ARHGAP40: variants seen among roughly 807,000 people sequenced by gnomAD.
ARHGAP40 encodes Rho GTPase activating protein 40.
In ARHGAP40, 43 loss-of-function variants were observed where a neutral mutation model predicts 73.5. The observed-to-expected ratio is 0.58, with a 90% CI of 0.46 to 0.75. The LOEUF (loss-of-function observed/expected upper bound fraction) is 0.75, where lower values mean the gene tolerates loss of function less well. ARHGAP40 is among the 30% of genes least tolerant of loss of function. ARHGAP40 has a pLI of 0.00. For synonymous variants in ARHGAP40, 300 were observed against 352.8 expected, an observed-to-expected ratio of 0.85 and a Z score of 1.68; for missense variants, 734 against 861.8, an observed-to-expected ratio of 0.85 and a Z score of 1.86.
At position 38,602,045 on chromosome 20, in the gene ARHGAP40, C is replaced by T. The variant is rs757902341; in HGVS notation, c.103C>T (p.Arg35Cys). The T allele has an allele frequency of 2.9e-4, 367 of 1,287,216 alleles. No homozygotes were observed. In the Admixed American group the frequency reaches 3.6e-3, roughly 13 times the overall value. The allele number at this position is 1,287,216 out of a possible 1,614,324, so 79.7% of individuals were successfully genotyped here. The change falls in exon 1 of 15, where the codon CGC (arginine) becomes TGC (cysteine). Residue 35 changes from arginine to cysteine, a missense_variant. Coordinates refer to ENST00000373345, the Ensembl canonical transcript of ARHGAP40. ...GATCCCGCGGGCCCGCATTGCCAGG[C>T]GCTGCGCCCAGCGCTGGGCCGACCT...
rs749871974 is a variant in ARHGAP40 at position 38,610,195 on chromosome 20, G to A, written c.137+8116G>A. On this transcript the variant is annotated intron_variant, in intron 1 of 14. Coordinates refer to ENST00000373345, the Ensembl canonical transcript of ARHGAP40. ...TCTCTGTGTGTGTGTGTGGTTCTCCGGAGAGAGGATCCACAACTTACATAA... is the reference window on the plus strand; with the variant it reads ...TCTCTGTGTGTGTGTGTGGTTCTCCAGAGAGAGGATCCACAACTTACATAA... Among the ~76,000 whole-genome samples, 11 of 152,186 alleles carry A rather than the reference G, an allele frequency of 7.2e-5. No homozygotes were observed. The East Asian group carries it at 7.7e-4, about 11-fold the overall frequency.
chr20:38,622,776 A>G lies in ARHGAP40; in HGVS notation c.138-583A>G, dbSNP rs115601842. Among the ~76,000 whole-genome samples, 933 of 152,270 alleles carry G rather than the reference A, an allele frequency of 6.1e-3. 11 individuals carry two copies. The highest frequency in any genetic ancestry group is 0.021 in the African/African-American group (878 of 41,550). ...ACAGCTTCCAGTTCACGTGCCTGAT[A>G]CTGACCCCTCTGCCCTTGGTTCAAC... On this transcript the variant is annotated intron_variant, in intron 1 of 14. Transcript: ENST00000373345.
At chr20:38,638,728 C>T (rs1378878937) in intron 7 of ARHGAP40, 33 bp from the exon 8 acceptor site, 3 of 1,295,942 alleles carry the variant, frequency 2.3e-6, no homozygotes, top group Non-Finnish European at 3.1e-6. Context: ...TTCAGCGGTT[C>T]CTGGTTTAAA....
chr20:38,623,990 A>T lies in ARHGAP40; in HGVS notation c.337+432A>T, dbSNP rs189059070. Among the ~76,000 whole-genome samples, 185 of 152,286 alleles carry T rather than the reference A, an allele frequency of 1.2e-3. 1 individual carries two copies. The highest frequency in any genetic ancestry group is 1.8e-3 in the Non-Finnish European group (120 of 68,020). ...GAGTAATAGACAATTATGTGTCCCT[A>T]TTATCTACTACTATGTAACAAACCA... On this transcript the variant is annotated intron_variant, in intron 2 of 14. Transcript: ENST00000373345.
At chr20:38,607,519 C>T (rs574475234) in intron 1 of ARHGAP40, among the ~76,000 whole-genome samples, 1 of 152,312 alleles carries the variant, frequency 6.6e-6, no homozygotes, top group Admixed American at 6.5e-5. Context: ...AAGGGCAGGT[C>T]CCTTCGGATG....
At chr20:38,650,645 T>A (rs1175354600) in exon 15 of ARHGAP40, 1 of 471,250 alleles carries the variant, frequency 2.1e-6, no homozygotes, top group Non-Finnish European at 4.4e-6. Flanking sequence ...CACAACAAGT[T>A]CAATGTCACA....
chr20:38,637,188 C>G (rs2088980432), intron 6 of ARHGAP40, among the ~76,000 whole-genome samples: 1 of 151,890 alleles, frequency 6.6e-6, no homozygotes. Context: ...TCTTGTCACC[C>G]AGGCTGGAGT....
At chr20:38,615,342 G>T (rs2088829286) in intron 1 of ARHGAP40, 4 of 768,930 alleles carry the variant, frequency 5.2e-6, no homozygotes, top group South Asian at 1.4e-5. Context: ...AGCCACGGGG[G>T]TACTTCCACT....
intron 1 of ARHGAP40, among the ~76,000 whole-genome samples, chr20:38,610,982 G>A (rs1266470269): frequency 2.0e-5 from 3 of 149,754 alleles, no homozygotes; most frequent in East Asian, 2.0e-4. Context: ...CTCCACCTCC[G>A]GGGTTTAAGC....
chr20:38,639,511 C>A, intron 9 of ARHGAP40, 125 bp downstream of exon 9: 1 of 1,108,250 alleles, frequency 9.0e-7, no homozygotes, highest in Non-Finnish European at 1.2e-6. Flanking sequence ...CAGAAATGTC[C>A]AACTGATGGG....
At chr20:38,635,088 G>A (rs1404942393) in intron 6 of ARHGAP40, among the ~76,000 whole-genome samples, 2 of 151,940 alleles carry the variant, frequency 1.3e-5, no homozygotes, top group Non-Finnish European at 2.9e-5. Flanking sequence ...CACCATGTTG[G>A]CCAGGATGGT....
At chr20:38,642,803 A>G (rs2089027611) in intron 10 of ARHGAP40, among the ~76,000 whole-genome samples, 1 of 152,096 alleles carries the variant, frequency 6.6e-6, no homozygotes, top group Non-Finnish European at 1.5e-5. Context: ...CTCTTGGCAC[A>G]TTCTCCAAGC....
Position 38,620,499 on chromosome 20 carries a change from T to G in ARHGAP40, c.138-2860T>G, listed in dbSNP as rs1028336089. Reference sequence around the variant, plus strand: ...ATAGTGTTGACAATTTTGCTTGGGTTTAGTCGCTGCAGTTTTCAAATTGTC... The same window carrying G: ...ATAGTGTTGACAATTTTGCTTGGGTGTAGTCGCTGCAGTTTTCAAATTGTC... On this transcript the variant is annotated intron_variant, in intron 1 of 14. Coordinates refer to ENST00000373345, the Ensembl canonical transcript of ARHGAP40. 4.1e-4 allele frequency among the ~76,000 whole-genome samples: 63 copies of G among 152,230 alleles called. 2 individuals carry two copies. The highest frequency in any genetic ancestry group is 2.9e-5 in the Non-Finnish European group (2 of 68,048).
intron 1 of ARHGAP40, among the ~76,000 whole-genome samples, chr20:38,608,899 T>A (rs546877504): frequency 6.6e-6 from 1 of 152,304 alleles, no homozygotes; most frequent in South Asian, 2.1e-4. Flanking sequence ...CTTCCTTAAG[T>A]TGCGGTCCAC....
chr20:38,630,087 T>C (rs1427556992), intron 5 of ARHGAP40, among the ~76,000 whole-genome samples: 2 of 95,342 alleles, frequency 2.1e-5, no homozygotes, highest in Non-Finnish European at 2.8e-5. Context: ...TTTCTTTTTC[T>C]TTCTTTCTTT....
intron 6 of ARHGAP40, among the ~76,000 whole-genome samples, chr20:38,636,105 A>T (rs767184278): frequency 2.6e-4 from 39 of 152,202 alleles, no homozygotes; most frequent in Non-Finnish European, 4.6e-4. Context: ...CACATGGCCT[A>T]GCAAGGGGTG....
At chr20:38,619,372 G>A (rs1012112517) in intron 1 of ARHGAP40, among the ~76,000 whole-genome samples, 1 of 152,062 alleles carries the variant, frequency 6.6e-6, no homozygotes, top group Non-Finnish European at 1.5e-5. Context: ...TGGTCCAGGC[G>A]AGAAGTGATG....
chr20:38,643,604 T>C lies in ARHGAP40; in HGVS notation c.1363-100T>C. 7 of 1,037,046 alleles carry C rather than the reference T, an allele frequency of 6.7e-6. No homozygotes were observed. In the South Asian group the frequency reaches 8.8e-5, roughly 13 times the overall value. The allele number at this position is 1,037,046 out of a possible 1,614,324, so 64.2% of individuals were successfully genotyped here. A position where few individuals can be genotyped will look rare whatever the true frequency, so the allele number is the denominator to read the frequency against. ...TGCTGCCCTCCCAGCTCCTGGCTCC[T>C]TCCTAGCACCCCCTTATCATTCATC... On this transcript the variant is annotated intron_variant, in intron 10 of 14. Coordinates refer to ENST00000373345, the Ensembl canonical transcript of ARHGAP40.
At chr20:38,625,389 G>GT (rs1445636545) in intron 2 of ARHGAP40, among the ~76,000 whole-genome samples, 10 of 147,164 alleles carry the variant, frequency 6.8e-5, no homozygotes, top group African/African-American at 2.7e-4. Flanking sequence ...AGCCAAGACT[G>GT]GTTTTTTTTT....
Sources: gnomAD v4.1 joint callset for allele counts (sites outside exome capture counted in the v4.1 genomes callset) on GRCh38, gnomAD v4.1.1 for gene constraint, MANE v1.5 for transcripts, NCBI Gene and HGNC (gene_info 2026-07-23, HGNC 2026-07-21) for gene names.